Variants in CIRSR observed in about 807,000 individuals in gnomAD.
CIRSR encodes CBF1 (RBPJ) interacting corepressor 1.
chr2:174,376,714 C>CATGAACCTG, the CIRSR span, among the ~76,000 whole-genome samples: 39 of 148,232 alleles, frequency 2.6e-4, no homozygotes, highest in Non-Finnish European at 8.9e-5. Flanking sequence ...AGGAGAACGG[C>CATGAACCTG]ATGAACCTGG....
chr2:174,381,987 A>G, the CIRSR span, among the ~76,000 whole-genome samples: 5 of 152,182 alleles, frequency 3.3e-5, no homozygotes, highest in African/African-American at 1.2e-4. Context: ...AAGCTCTGAG[A>G]CTTTCTTACT....
At chr2:174,354,489 T>G in the CIRSR span, among the ~76,000 whole-genome samples, 38 of 46,724 alleles carry the variant, frequency 8.1e-4, no homozygotes, top group African/African-American at 1.7e-3. Flanking sequence ...TATATTATAT[T>G]ATATAAATTA....
the CIRSR span, among the ~76,000 whole-genome samples, chr2:174,362,010 T>C: frequency 1.3e-5 from 2 of 152,204 alleles, no homozygotes; most frequent in South Asian, 2.1e-4. Flanking sequence ...AAAAAAATTA[T>C]GGCAGGGCTG....
the CIRSR span, among the ~76,000 whole-genome samples, chr2:174,394,100 T>G: frequency 6.6e-6 from 1 of 152,202 alleles, no homozygotes; most frequent in Non-Finnish European, 1.5e-5. Context: ...TATAACTGCT[T>G]TACTGAATTT....
chr2:174,365,650 G>A, the CIRSR span, among the ~76,000 whole-genome samples: 264 of 152,342 alleles, frequency 1.7e-3, no homozygotes, highest in African/African-American at 6.1e-3. Context: ...CAGGCAAAGA[G>A]AGAAAGCTTG....
chr2:174,380,190 T>C, the CIRSR span: 5 of 1,568,536 alleles, frequency 3.2e-6, no homozygotes, highest in African/African-American at 2.7e-5. Context: ...GAGTAAAATA[T>C]GTGTCACTTG....
At chr2:174,392,798 G>C in the CIRSR span, among the ~76,000 whole-genome samples, 1 of 152,206 alleles carries the variant, frequency 6.6e-6, no homozygotes, top group African/African-American at 2.4e-5. Context: ...TTTTATATCA[G>C]ATATGTTGAG....
chr2:174,379,255 C>T, the CIRSR span, among the ~76,000 whole-genome samples: 324 of 152,224 alleles, frequency 2.1e-3, no homozygotes, highest in Middle Eastern at 0.01. Context: ...TTTCTTTTTG[C>T]CTCTCACTTG....
the CIRSR span, among the ~76,000 whole-genome samples, chr2:174,394,119 G>A: frequency 9.9e-5 from 15 of 152,212 alleles, no homozygotes; most frequent in South Asian, 2.1e-4. Context: ...TTCTCATAGC[G>A]GACTTGCAAA....
chr2:174,349,093 TG>T, the CIRSR span: 1 of 1,541,830 alleles, frequency 6.5e-7, no homozygotes, highest in Non-Finnish European at 8.7e-7. Context: ...TTATGTTTTT[TG>T]TGTTTACTTC....
the CIRSR span, among the ~76,000 whole-genome samples, chr2:174,372,189 A>C: frequency 6.6e-6 from 1 of 152,230 alleles, no homozygotes; most frequent in East Asian, 1.9e-4. Context: ...AATTTTAAAT[A>C]ATTTACTTCT....
At chr2:174,359,731 A>G in the CIRSR span, among the ~76,000 whole-genome samples, 2 of 152,222 alleles carry the variant, frequency 1.3e-5, no homozygotes, top group South Asian at 4.1e-4. Context: ...AAGGATTATA[A>G]ATCATGCTAC....
the CIRSR span, among the ~76,000 whole-genome samples, chr2:174,363,269 A>G: frequency 6.6e-6 from 1 of 152,196 alleles, no homozygotes; most frequent in African/African-American, 2.4e-5. Context: ...TTCCTGTATA[A>G]TATCAGGGGA....
chr2:174,351,536 T>A, the CIRSR span: 1 of 1,137,714 alleles, frequency 8.8e-7, no homozygotes. Context: ...TATATGCATA[T>A]TGGAAAACAT....
At chr2:174,350,675 TTTTG>T in the CIRSR span, 1 of 1,604,584 alleles carries the variant, frequency 6.2e-7, no homozygotes. Context: ...AAGTTTCTGT[TTTTG>T]TTTGGTTGTT....
chr2:174,369,923 G>C, the CIRSR span: 2 of 1,340,818 alleles, frequency 1.5e-6, no homozygotes, highest in Non-Finnish European at 2.0e-6. Context: ...ATGTGACCCA[G>C]AGACAAAGTA....
the CIRSR span, among the ~76,000 whole-genome samples, chr2:174,382,355 G>A: frequency 6.6e-6 from 1 of 152,106 alleles, no homozygotes; most frequent in Non-Finnish European, 1.5e-5. Context: ...ATAAAAGTCT[G>A]CAGCTGGGCA....
the CIRSR span, among the ~76,000 whole-genome samples, chr2:174,355,371 A>C: frequency 6.6e-6 from 1 of 152,228 alleles, no homozygotes; most frequent in Admixed American, 6.5e-5. Context: ...TAGAGAATTC[A>C]GAAAGAAGGC....
At chr2:174,365,724 CA>C in the CIRSR span, among the ~76,000 whole-genome samples, 1 of 152,322 alleles carries the variant, frequency 6.6e-6, no homozygotes, top group Admixed American at 6.5e-5. Flanking sequence ...GTCACAAGAA[CA>C]GCATGGGAAA....
Sources: allele counts gnomAD v4.1 joint callset (sites outside exome capture counted in the v4.1 genomes callset), GRCh38; gene constraint gnomAD v4.1.1; transcripts MANE v1.5; gene names NCBI Gene and HGNC (gene_info 2026-07-23, HGNC 2026-07-21).